Variants in ESR1 observed in about 807,000 individuals in gnomAD.
ESR1 encodes the protein estrogen receptor.
ESR1 carries 12 observed loss-of-function variants against 52.7 expected under a neutral mutation model. The observed-to-expected ratio is 0.23, with a 90% confidence interval of 0.15 to 0.37. The LOEUF is 0.37. Ranked by LOEUF, ESR1 falls within the 10% of genes least tolerant of loss-of-function variation. ESR1 has a pLI of 1.00. For synonymous variants in ESR1, 305 were observed against 316.8 expected, an observed-to-expected ratio of 0.96 and a Z score of 0.39; for missense variants, 584 against 779.7, an observed-to-expected ratio of 0.75 and a Z score of 2.99.
chr6:151,782,997 G>A (rs1474103429), intron 2 of ESR1, among the ~76,000 whole-genome samples: 10 of 152,136 alleles, frequency 6.6e-5, no homozygotes, highest in Non-Finnish European at 1.5e-4. Context: ...TCACCTTAAT[G>A]TTTGTATCTT....
At chr6:151,736,042 T>C (rs1782630541) in intron 2 of ESR1, among the ~76,000 whole-genome samples, 1 of 152,192 alleles carries the variant, frequency 6.6e-6, no homozygotes, top group African/African-American at 2.4e-5. Flanking sequence ...GTGGAACTGT[T>C]GAGTCAATTA....
At chr6:151,872,908 A>G (rs1380161835) in intron 2 of ESR1, among the ~76,000 whole-genome samples, 2 of 152,204 alleles carry the variant, frequency 1.3e-5, no homozygotes, top group Non-Finnish European at 2.9e-5. Flanking sequence ...TTGTCATATA[A>G]GTCAAAGTAT....
intron 2 of ESR1, among the ~76,000 whole-genome samples, chr6:151,767,616 T>C (rs1489558066): frequency 3.3e-5 from 5 of 152,246 alleles, no homozygotes; most frequent in Non-Finnish European, 7.3e-5. Context: ...AGGTAATATA[T>C]ATGATTTATC....
intron 1 of ESR1, among the ~76,000 whole-genome samples, chr6:151,699,406 C>A (rs558591381): frequency 2.9e-4 from 44 of 152,272 alleles, no homozygotes; most frequent in Non-Finnish European, 4.9e-4. Context: ...ATTTCTTTAT[C>A]CAGCTCTTTG....
chr6:151,741,572 G>A (rs1456004929), intron 2 of ESR1, among the ~76,000 whole-genome samples: 3 of 152,080 alleles, frequency 2.0e-5, no homozygotes, highest in African/African-American at 4.8e-5. Flanking sequence ...GTTTTTTGGT[G>A]TATTTTTTCC....
At chr6:152,025,524 T>C (rs1040074510) in intron 5 of ESR1, among the ~76,000 whole-genome samples, 18 of 151,936 alleles carry the variant, frequency 1.2e-4, no homozygotes, top group Non-Finnish European at 1.6e-4. Flanking sequence ...ATTTTTCACA[T>C]TGAGTTGGAC....
chr6:151,995,690 T>G (rs1483578127), intron 4 of ESR1, among the ~76,000 whole-genome samples: 8 of 152,200 alleles, frequency 5.3e-5, no homozygotes, highest in Admixed American at 5.2e-4. Context: ...TCCACATGAA[T>G]GGTAAGAATT....
intron 3 of ESR1, among the ~76,000 whole-genome samples, chr6:151,938,886 A>G (rs1433204528): frequency 6.6e-6 from 1 of 152,208 alleles, no homozygotes; most frequent in African/African-American, 2.4e-5. Flanking sequence ...TTGCAGGATG[A>G]AAGAGAGCTT....
At chr6:151,874,087 G>A (rs978623583) in intron 2 of ESR1, among the ~76,000 whole-genome samples, 2 of 152,104 alleles carry the variant, frequency 1.3e-5, no homozygotes, top group African/African-American at 4.8e-5. Context: ...AAACATTGGA[G>A]AATTCATTTT....
Position 152,101,582 on chromosome 6 carries a change from T to A in ESR1, c.*2616T>A. 1 of 230,850 alleles carries A rather than the reference T, an allele frequency of 4.3e-6. No individual in the cohort carries two copies. The highest frequency in any genetic ancestry group is 8.6e-6 in the Non-Finnish European group (1 of 116,610). The allele number at this position is 230,850 out of a possible 1,614,324, so 14.3% of individuals were successfully genotyped here. On this transcript the variant is annotated 3_prime_UTR_variant, in exon 8 of 8. Transcript: ENST00000206249. ...TTGGAAATCTCTTTGTATTTTTACT[T>A]GAAGTGCCACTAATGGACAGCAGAT...
In ESR1 at chr6:152,003,733, C is replaced by A. The variant is rs563486856; in HGVS notation, c.1097-7923C>A. Among the ~76,000 whole-genome samples, 6 of 152,012 alleles carry A rather than the reference C, an allele frequency of 3.9e-5. No homozygotes were observed. The South Asian group carries it at 8.3e-4, about 21-fold the overall frequency. ...GGATACAGCTTAATATCTTCATACT[C>A]CCCTTTGTCAAAGATACAAGTGACA... is the stretch of plus-strand genomic sequence containing the variant. On this transcript the variant is annotated intron_variant, in intron 4 of 7. Transcript: ENST00000206249.
rs565396344 is a variant in ESR1 at position 151,987,620 on chromosome 6, G to C, written c.1097-24036G>C. Among the ~76,000 whole-genome samples, 4 of 152,128 alleles carry C rather than the reference G, an allele frequency of 2.6e-5. 1 individual carries two copies. Among genetic ancestry groups the C allele is most frequent in the African/African-American group, 9.6e-5 (4 of 41,474 alleles). ...CTGAGACCTTGGTCTTTTCCAGGCA[G>C]ATCACTTACCTTTCCTCACAGATTA... On this transcript the variant is annotated intron_variant, in intron 4 of 7. Coordinates refer to ENST00000206249, the MANE Select transcript of ESR1 (RefSeq NM_000125.4).
At position 152,038,609 on chromosome 6, in the gene ESR1, T is replaced by C. The variant is rs367813644; in HGVS notation, c.1236-22382T>C. ...GTTATTACATAAAGTTAACAACACTTAAATGCTGATATGAAGTCAATAAAT... is the reference window on the plus strand; with the variant it reads ...GTTATTACATAAAGTTAACAACACTCAAATGCTGATATGAAGTCAATAAAT... On this transcript the variant is annotated intron_variant, in intron 5 of 7. Transcript: ENST00000206249. Among the ~76,000 whole-genome samples, 36 of 152,236 alleles carry C rather than the reference T, an allele frequency of 2.4e-4. No homozygotes were observed. The South Asian group carries it at 7.1e-3, about 30-fold the overall frequency.
chr6:151,686,871 C>G (rs1046749907), upstream of ESR1, among the ~76,000 whole-genome samples: 6 of 152,176 alleles, frequency 3.9e-5, no homozygotes, highest in Non-Finnish European at 8.8e-5. Context: ...ATTCTACAAC[C>G]CTGTCAGTGA....
intron 4 of ESR1, among the ~76,000 whole-genome samples, chr6:151,962,416 A>G (rs1420756507): frequency 1.3e-5 from 2 of 151,956 alleles, no homozygotes; most frequent in African/African-American, 2.4e-5. Flanking sequence ...GCCATCCCCC[A>G]CTTGCCTGCT....
chr6:151,705,016 T>C (rs1472105155), intron 2 of ESR1, among the ~76,000 whole-genome samples: 1 of 151,364 alleles, frequency 6.6e-6, no homozygotes, highest in East Asian at 2.0e-4. Context: ...TCTCTTCCCA[T>C]AGGGAGCTTG....
At chr6:151,840,741 A>T (rs374541365) in intron 1 of ESR1, among the ~76,000 whole-genome samples, 10 of 152,344 alleles carry the variant, frequency 6.6e-5, no homozygotes, top group South Asian at 2.1e-4. Context: ...AAGGGCTATC[A>T]TCAATTGACT....
intron 1 of ESR1, among the ~76,000 whole-genome samples, chr6:151,679,097 C>A (rs1021424255): frequency 1.4e-4 from 22 of 152,194 alleles, no homozygotes; most frequent in Admixed American, 3.9e-4. Context: ...ACTCCAGGAA[C>A]ATGAAGTGGC....
chr6:152,033,628 A>C (rs13200670), intron 5 of ESR1, among the ~76,000 whole-genome samples: 66,836 of 152,016 alleles, frequency 0.44, 16,636 homozygotes, highest in African/African-American at 0.67. Flanking sequence ...GGTGATTATT[A>C]AGAAGTCAGG....
Sources: gnomAD v4.1 joint callset for allele counts (sites outside exome capture counted in the v4.1 genomes callset) on GRCh38, gnomAD v4.1.1 for gene constraint, MANE v1.5 for transcripts, NCBI Gene and HGNC (gene_info 2026-07-23, HGNC 2026-07-21) for gene names.